Variants in SHE observed in about 807,000 individuals in gnomAD.
SHE encodes the protein Src homology 2 domain containing E, also known as SH2 domain-containing adapter protein E.
In SHE, 11 loss-of-function variants were observed where a neutral mutation model predicts 49.8. That is an observed-to-expected ratio of 0.22 (90% confidence interval 0.14 to 0.37). SHE has a LOEUF of 0.37. SHE is among the 10% of genes least tolerant of loss of function. The pLI, the probability that SHE is intolerant of heterozygous loss-of-function variation, is 1.00. For missense variants in SHE, 624 were observed against 655.5 expected, an observed-to-expected ratio of 0.95 and a Z score of 0.52; for synonymous variants, 310 against 278.1, an observed-to-expected ratio of 1.11 and a Z score of -1.14.
chr1:154,500,990 T>C (rs1283515797), intron 1 of SHE, among the ~76,000 whole-genome samples: 1 of 152,232 alleles, frequency 6.6e-6, no homozygotes, highest in Admixed American at 6.5e-5. Flanking sequence ...GAGAAGACTG[T>C]TGGTTAAACC....
chr1:154,500,437 G>T (rs59421927), intron 1 of SHE, among the ~76,000 whole-genome samples: 105 of 152,348 alleles, frequency 6.9e-4, no homozygotes, highest in African/African-American at 2.4e-3. Context: ...AGAATGAACA[G>T]AAGTGCCCAA....
rs756985922 is a variant in SHE, at chr1:154,499,096, G to A, written c.718+16C>T. 8.1e-6 allele frequency: 13 copies of A among 1,613,516 alleles called. No individual in the cohort carries two copies. In the South Asian group the frequency reaches 1.3e-4, roughly 16 times the overall value. Reference sequence around the variant, plus strand: ...GTGAGATTTCAGTCTCTATTCTGTAGAGCCTGCTTACAAACCTGTTATCAT... The same window carrying A: ...GTGAGATTTCAGTCTCTATTCTGTAAAGCCTGCTTACAAACCTGTTATCAT... On this transcript the variant is annotated intron_variant, in intron 2 of 5. Transcript: ENST00000304760.
rs546076350 is a variant in SHE, at chr1:154,488,478, T to G, written c.1024+573A>C. 1.1e-4 allele frequency among the ~76,000 whole-genome samples: 17 copies of G among 152,204 alleles called. 1 individual carries two copies. In the South Asian group the frequency reaches 3.5e-3, roughly 32 times the overall value. On this transcript the variant is annotated intron_variant, in intron 3 of 5. Coordinates refer to ENST00000304760, the MANE Select transcript of SHE (RefSeq NM_001010846.3). ...TTTACCATGTTGGCCAGGCCGGTCT[T>G]GAACTCCTGACCTCAAGTGATCCGC...
Position 154,481,486 on chromosome 1 carries a change from T to A in SHE, c.*2663A>T. 1 of 985,442 alleles carries A rather than the reference T, an allele frequency of 1.0e-6. No individual in the cohort carries two copies. Among genetic ancestry groups the A allele is most frequent in the Non-Finnish European group, 1.2e-6 (1 of 829,938 alleles). The allele number at this position is 985,442 out of a possible 1,614,324, so 61.0% of individuals were successfully genotyped here. A position where few individuals can be genotyped will look rare whatever the true frequency, so the allele number is the denominator to read the frequency against. On this transcript the variant is annotated 3_prime_UTR_variant, in exon 6 of 6. Coordinates refer to ENST00000304760, the MANE Select transcript of SHE (RefSeq NM_001010846.3). ...GGGCATATGACAGAAGCTCAATAAATACTTAATGTATCTGGCCTGTTTTCA... is the reference window on the plus strand; with the variant it reads ...GGGCATATGACAGAAGCTCAATAAAAACTTAATGTATCTGGCCTGTTTTCA...
chr1:154,483,522 T>G lies in SHE; in HGVS notation c.*627A>C, dbSNP rs1403872264. ...TCCAGGTAACAAGTAGGCACATTTC[T>G]AGAGAACTCTGATGCTCCTGAACTC... is the stretch of plus-strand genomic sequence containing the variant. On this transcript the variant is annotated 3_prime_UTR_variant, in exon 6 of 6. Coordinates refer to ENST00000304760, the MANE Select transcript of SHE (RefSeq NM_001010846.3). 1.0e-6 allele frequency: 1 copy of G among 985,336 alleles called. No individual in the cohort carries two copies. Among genetic ancestry groups the G allele is most frequent in the Admixed American group, 6.2e-5 (1 of 16,260 alleles). The allele number at this position is 985,336 out of a possible 1,614,324, so 61.0% of individuals were successfully genotyped here.
rs1692799423 is a variant in SHE at position 154,502,063 on chromosome 1, C to G, written c.-37G>C. On this transcript the variant is annotated 5_prime_UTR_variant, in exon 1 of 6. Transcript: ENST00000304760. ...GGGGCGCTGGAGGCCGCGGCGAGGC[C>G]CCGCGACGGCTGCTCCGTGCGCCCC... 3.2e-6 allele frequency: 4 copies of G among 1,256,850 alleles called. No individual in the cohort carries two copies. Among genetic ancestry groups the G allele is most frequent in the South Asian group, 6.4e-5 (2 of 31,028 alleles). The allele number at this position is 1,256,850 out of a possible 1,614,324, so 77.9% of individuals were successfully genotyped here. A position where few individuals can be genotyped will look rare whatever the true frequency, so the allele number is the denominator to read the frequency against.
downstream of SHE, among the ~76,000 whole-genome samples, chr1:154,476,413 G>C (rs1691876950): frequency 6.6e-6 from 1 of 152,120 alleles, no homozygotes; most frequent in Non-Finnish European, 1.5e-5. Context: ...GGGAGGTCGA[G>C]GCAGGCAGAT....
chr1:154,498,879 T>C (rs1557803375), intron 2 of SHE, among the ~76,000 whole-genome samples: 1 of 152,208 alleles, frequency 6.6e-6, no homozygotes, highest in African/African-American at 2.4e-5. Flanking sequence ...TGCATAGAAC[T>C]AGAAAAACTT....
At chr1:154,500,109 G>A (rs777089079) in intron 1 of SHE, among the ~76,000 whole-genome samples, 16 of 152,176 alleles carry the variant, frequency 1.1e-4, no homozygotes, top group Admixed American at 2.0e-4. Context: ...CGAAGAGGAG[G>A]AAACAGCCTG....
chr1:154,489,442 C>T, intron 2 of SHE, 86 bp from the exon 3 acceptor site: 1 of 1,480,290 alleles, frequency 6.8e-7, no homozygotes, highest in East Asian at 2.3e-5. Context: ...GGTCATTAAC[C>T]CAACTGCCTC....
rs553847222 is a variant in SHE at position 154,495,269 on chromosome 1, A to C, written c.718+3843T>G. ...AACTCCTAATGCTAGATTATGTAGA[A>C]TATTTCTGCCAAATATTTAGCTAAA... On this transcript the variant is annotated intron_variant, in intron 2 of 5. Coordinates refer to ENST00000304760, the MANE Select transcript of SHE (RefSeq NM_001010846.3). Among the ~76,000 whole-genome samples the C allele has an allele frequency of 1.4e-4, 22 of 152,342 alleles. No homozygotes were observed. The East Asian group carries it at 3.9e-3, about 27-fold the overall frequency.
intron 2 of SHE, among the ~76,000 whole-genome samples, chr1:154,497,355 C>A (rs559433326): frequency 6.6e-6 from 1 of 152,356 alleles, no homozygotes; most frequent in Non-Finnish European, 1.5e-5. Context: ...TTACTCTTCC[C>A]AGGCATGAAA....
At chr1:154,491,178 G>A (rs1380126755) in intron 2 of SHE, among the ~76,000 whole-genome samples, 1 of 152,148 alleles carries the variant, frequency 6.6e-6, no homozygotes, top group Non-Finnish European at 1.5e-5. Context: ...TCATAGTCAA[G>A]GAGGAACTTT....
chr1:154,499,185 A>C lies in SHE; in HGVS notation c.645T>G (p.Gly215=), dbSNP rs1692629984. ...CTCCGACTCTCTCTGCATCCCTTTGACCCTTTGTCCGTTTGGCATCATAAG... is the reference window on the plus strand; with the variant it reads ...CTCCGACTCTCTCTGCATCCCTTTGCCCCTTTGTCCGTTTGGCATCATAAG... The part of the protein sequence containing the change: ...ADPYDAKRTK[G]QRDAERVGEN... The change falls in exon 2 of 6, where the codon GGT becomes GGG. Residue 215 remains glycine, a synonymous_variant. Transcript: ENST00000304760. 3 of 1,613,890 alleles carry C rather than the reference A, an allele frequency of 1.9e-6. No homozygotes were observed. The highest frequency in any genetic ancestry group is 2.2e-5 in the South Asian group (2 of 91,080).
At chr1:154,493,520 G>C (rs538468201) in intron 2 of SHE, among the ~76,000 whole-genome samples, 43 of 152,324 alleles carry the variant, frequency 2.8e-4, no homozygotes, top group South Asian at 4.1e-4. Context: ...TGCAGGGGAC[G>C]GGCAGCAGAT....
chr1:154,480,639 AG>A lies in SHE; in HGVS notation c.*3509del. The A allele has an allele frequency of 1.0e-6, 1 of 985,494 alleles. No individual in the cohort carries two copies. Among genetic ancestry groups the A allele is most frequent in the Non-Finnish European group, 1.2e-6 (1 of 829,948 alleles). 61.0% of individuals were successfully genotyped at this position (985,494 alleles called of 1,614,324 possible). A position where few individuals can be genotyped will look rare whatever the true frequency, so the allele number is the denominator to read the frequency against. On this transcript the variant is annotated 3_prime_UTR_variant, in exon 6 of 6. Transcript: ENST00000304760. Reference sequence around the variant, plus strand: ...GGAGACTTCCAACAGCAAAGAATAAAGGCTTTCTAAAATGCTTAAGAAAGTG... The same window carrying A: ...GGAGACTTCCAACAGCAAAGAATAAAGCTTTCTAAAATGCTTAAGAAAGTG...
rs1398733281 is a variant in SHE at position 154,470,251 on chromosome 1, A to C, written c.*90T>G. The stretch of plus-strand genomic sequence containing the variant: ...CCATGGAGGGGGCACGGGAGTGGGC[A>C]CTGGAGCCAGGACGTGGAGGGAGCT... On this transcript the variant is annotated 3_prime_UTR_variant, in exon 2 of 2. Coordinates refer to the SHE transcript ENST00000486773. 4.0e-6 allele frequency: 5 copies of C among 1,239,508 alleles called. No individual in the cohort carries two copies. The East Asian group carries it at 2.8e-4, about 70-fold the overall frequency. The allele number at this position is 1,239,508 out of a possible 1,614,324, so 76.8% of individuals were successfully genotyped here.
At chr1:154,474,520 A>G (rs946749934), downstream of SHE, among the ~76,000 whole-genome samples, 1 of 151,850 alleles carries the variant, frequency 6.6e-6, no homozygotes, top group African/African-American at 2.4e-5. Context: ...TTTATTTATT[A>G]TTTTTTAGAC....
rs1203480169 is a variant in SHE at position 154,501,831 on chromosome 1, G to A, written c.196C>T (p.Arg66Cys). ...GCGCCGCCCGCCTCCGAGTTCTTGC[G>A]CAATTTGCCGCCGCCGCCCCCGGGC... ...AKPGGGGGKL[R>C]KNSEAGGAGP... Residue 66 changes from arginine to cysteine, a missense_variant, in exon 1 of 6, where the codon CGC becomes TGC. By Grantham distance (180) the Arg-to-Cys change is radical. Around this residue, in one of 4 missense-constraint regions of SHE, gnomAD observed 337 missense variants for 306.0 expected, o/e 1.10. Transcript: ENST00000304760. 5.2e-6 allele frequency: 8 copies of A among 1,546,656 alleles called. No homozygotes were observed. The highest frequency in any genetic ancestry group is 6.9e-6 in the Non-Finnish European group (8 of 1,153,658).
Sources: allele counts gnomAD v4.1 joint callset (sites outside exome capture counted in the v4.1 genomes callset), GRCh38; gene constraint gnomAD v4.1.1; regional missense constraint gnomAD v4.1.1; transcripts MANE v1.5; gene names NCBI Gene and HGNC (gene_info 2026-07-23, HGNC 2026-07-21).